SLC6A9: variants seen among roughly 807,000 people sequenced by gnomAD.
SLC6A9 encodes sodium- and chloride-dependent glycine transporter 1.
A neutral mutation model predicts 70.9 loss-of-function variants in SLC6A9; 31 were observed. The observed-to-expected ratio is 0.44, with a 90% CI of 0.33 to 0.59. The LOEUF (loss-of-function observed/expected upper bound fraction) is 0.59, where lower values mean the gene tolerates loss of function less well. Ranked by LOEUF, SLC6A9 falls within the 20% of genes least tolerant of loss-of-function variation. The pLI is 0.04. For synonymous variants in SLC6A9, 310 were observed against 341.3 expected, an observed-to-expected ratio of 0.91 and a Z score of 1.01; for missense variants, 631 against 845.2, an observed-to-expected ratio of 0.75 and a Z score of 3.14.
Position 43,997,249 on chromosome 1 carries a change from C to T in SLC6A9, c.*296G>A, listed in dbSNP as rs1305141170. 4.6e-6 allele frequency: 2 copies of T among 430,154 alleles called. No individual in the cohort carries two copies. Among genetic ancestry groups the T allele is most frequent in the East Asian group, 5.1e-5 (1 of 19,770 alleles). 26.6% of individuals were successfully genotyped at this position (430,154 alleles called of 1,614,324 possible). A position where few individuals can be genotyped will look rare whatever the true frequency, so the allele number is the denominator to read the frequency against. ...CAGGGTATAAGGGTATCGGAGGCCA[C>T]GTAAAGCCATCCAGGCTGCTGGGGA... is the stretch of plus-strand genomic sequence containing the variant. On this transcript the variant is annotated 3_prime_UTR_variant, in exon 14 of 14. Coordinates refer to ENST00000372310, the MANE Select transcript of SLC6A9 (RefSeq NM_001024845.3). The surrounding 1 kb of genome is among the most constrained non-coding windows in gnomAD (Gnocchi z 4.4).
chr1:44,017,302 C>T (rs201312125), intron 2 of SLC6A9: 66 of 1,437,564 alleles, frequency 4.6e-5, no homozygotes, highest in African/African-American at 4.4e-5. Flanking sequence ...ACGGGTGCTC[C>T]GGAGCTGGAG....
intron 12 of SLC6A9, among the ~76,000 whole-genome samples, chr1:43,998,863 C>G (rs924232033): frequency 6.6e-6 from 1 of 152,046 alleles, no homozygotes. Context: ...TAGGGAACCT[C>G]CTTGGAAAGA....
chr1:44,008,725 A>AGATG (rs2086421659), intron 4 of SLC6A9, 102 bp from the exon 5 acceptor site: 1 of 860,662 alleles, frequency 1.2e-6, no homozygotes, highest in Non-Finnish European at 1.7e-6. Flanking sequence ...TTTTTTTTTG[A>AGATG]GATGGAGTCT....
At chr1:44,001,684 G>T in intron 8 of SLC6A9, 57 bp from the exon 9 acceptor site, 1 of 1,341,910 alleles carries the variant, frequency 7.5e-7, no homozygotes, top group Non-Finnish European at 1.0e-6. Flanking sequence ...GCCAAGAGGA[G>T]ACATGGAGAC....
At chr1:44,021,244 C>T (rs1388769373) in intron 2 of SLC6A9, among the ~76,000 whole-genome samples, 2 of 146,234 alleles carry the variant, frequency 1.4e-5, no homozygotes, top group Admixed American at 1.4e-4. Flanking sequence ...CCCCAAGCAT[C>T]CCAGCTGCTC....
At chr1:44,010,651 G>T in intron 3 of SLC6A9, 75 bp downstream of exon 3, 6 of 1,439,970 alleles carry the variant, frequency 4.2e-6, no homozygotes, top group Non-Finnish European at 5.8e-6. Flanking sequence ...GTCTGTGCCA[G>T]GGAGAGGGTG....
chr1:44,011,426 G>A (rs2086564491), intron 2 of SLC6A9: 1 of 746,732 alleles, frequency 1.3e-6, no homozygotes, highest in Non-Finnish European at 2.2e-6. Context: ...GGCACAGAGT[G>A]GGCAGGGCTG....
intron 8 of SLC6A9, 39 bp from the exon 9 acceptor site, chr1:44,001,666 C>T (rs762475249): frequency 6.6e-7 from 1 of 1,511,660 alleles, no homozygotes; most frequent in African/African-American, 1.4e-5. Flanking sequence ...TCCCTCTCCC[C>T]AATTTGGGCC....
At position 44,000,844 on chromosome 1, in the gene SLC6A9, T is replaced by A. The variant is rs200955735; in HGVS notation, c.1459A>T (p.Ile487Phe). The A allele has an allele frequency of 6.2e-7, 1 of 1,611,164 alleles. No homozygotes were observed. The highest frequency in any genetic ancestry group is 1.7e-5 in the Admixed American group (1 of 59,556). ...IYGHRNYFQD[I>F]QMMLGFPPPL... ...GGTGGGAATCCCAGCATCATCTGGA[T>A]GTCCTGGAAGTAGTTCCGGTGCCCT... Residue 487 changes from isoleucine to phenylalanine, a missense_variant, in exon 12 of 14, where the codon ATC becomes TTC. Transcript: ENST00000372310.
chr1:44,028,602 G>A (rs190991683), intron 1 of SLC6A9, among the ~76,000 whole-genome samples: 2 of 151,996 alleles, frequency 1.3e-5, no homozygotes, highest in Non-Finnish European at 2.9e-5. Flanking sequence ...CTAAAAATAC[G>A]AAATTAGCTG....
chr1:44,010,458 G>T lies in SLC6A9; in HGVS notation c.187+268C>A. The T allele has an allele frequency of 2.9e-5, 3 of 102,322 alleles. No individual in the cohort carries two copies. The South Asian group carries it at 5.3e-4, about 18-fold the overall frequency. 6.3% of individuals were successfully genotyped at this position (102,322 alleles called of 1,614,324 possible). ...AATAGAACAGGGAGCCTTGTGGGCG[G>T]GGGGGGGGGGGGGTTAGGTCCTTTT... is the stretch of plus-strand genomic sequence containing the variant. On this transcript the variant is annotated intron_variant, in intron 3 of 13. Transcript: ENST00000372310.
intron 2 of SLC6A9, chr1:44,016,928 G>A: frequency 9.8e-7 from 1 of 1,023,468 alleles, no homozygotes; most frequent in South Asian, 1.9e-5. Flanking sequence ...TGTCTTGCTT[G>A]CTGGCTGTGC....
chr1:43,997,209 A>C lies in SLC6A9; in HGVS notation c.*336T>G. 1 of 285,430 alleles carries C rather than the reference A, an allele frequency of 3.5e-6. No individual in the cohort carries two copies. The highest frequency in any genetic ancestry group is 4.2e-5 in the South Asian group (1 of 23,844). The allele number at this position is 285,430 out of a possible 1,614,324, so 17.7% of individuals were successfully genotyped here. A position where few individuals can be genotyped will look rare whatever the true frequency, so the allele number is the denominator to read the frequency against. ...GTCATGGGGCTGGAGGCCCACCCAGAACCTCAGCTCAGGGCAGGGTATAAG... is the reference window on the plus strand; with the variant it reads ...GTCATGGGGCTGGAGGCCCACCCAGCACCTCAGCTCAGGGCAGGGTATAAG... On this transcript the variant is annotated 3_prime_UTR_variant, in exon 14 of 14. Transcript: ENST00000372310. The surrounding 1 kb of genome is among the most constrained non-coding windows in gnomAD (Gnocchi z 4.4).
At chr1:44,028,815 A>G (rs532490531) in intron 1 of SLC6A9, among the ~76,000 whole-genome samples, 5 of 151,238 alleles carry the variant, frequency 3.3e-5, no homozygotes, top group African/African-American at 9.8e-5. Context: ...AAGGAAGGAA[A>G]GAAGGAAGGA....
intron 2 of SLC6A9, chr1:44,014,878 T>C (rs2086689467): frequency 6.6e-6 from 1 of 152,034 alleles, no homozygotes; most frequent in Non-Finnish European, 1.5e-5. Context: ...ATAACCTCAC[T>C]ATCAGACAAG....
chr1:44,019,696 G>C (rs1426054128), intron 2 of SLC6A9, among the ~76,000 whole-genome samples: 1 of 152,266 alleles, frequency 6.6e-6, no homozygotes, highest in Non-Finnish European at 1.5e-5. Flanking sequence ...GCCGTAATGA[G>C]GCCTCATTAG....
Position 44,002,851 on chromosome 1 carries a change from G to A in SLC6A9, c.723+2C>T, listed in dbSNP as rs2086170739. On this transcript the variant is annotated splice_donor_variant, in intron 6 of 13. Transcript: ENST00000372310. LOFTEE classifies it low-confidence loss of function (GC_TO_GT_DONOR). This position sits in a 1 kb window ranked among gnomAD's most constrained non-coding sequence, Gnocchi z 5.5. ...CAGACCCTGCTGGGGAGGGGTACTT[G>A]CTTTCCCTGAAGACTTGACCCCTCG... 2 of 1,613,976 alleles carry A rather than the reference G, an allele frequency of 1.2e-6. No individual in the cohort carries two copies. Among genetic ancestry groups the A allele is most frequent in the African/African-American group, 1.3e-5 (1 of 74,910 alleles).
At chr1:44,000,335 CCT>C (rs2086043643) in intron 12 of SLC6A9, among the ~76,000 whole-genome samples, 1 of 152,242 alleles carries the variant, frequency 6.6e-6, no homozygotes, top group Non-Finnish European at 1.5e-5. Context: ...GCAGAGCTGA[CCT>C]CTGACTCCAC....
At chr1:44,016,937 G>A in intron 2 of SLC6A9, 1 of 1,133,926 alleles carries the variant, frequency 8.8e-7, no homozygotes, top group South Asian at 1.8e-5. Flanking sequence ...TGCTGGCTGT[G>A]CCTGCCCCTC....
Sources: allele counts gnomAD v4.1 joint callset (sites outside exome capture counted in the v4.1 genomes callset), GRCh38; gene constraint gnomAD v4.1.1; non-coding constraint Gnocchi (gnomAD v3.1); transcripts MANE v1.5; gene names NCBI Gene and HGNC (gene_info 2026-07-23, HGNC 2026-07-21).